The following PLCE1 variants were observed in gnomAD, a reference collection of about 807,000 sequenced individuals.
PLCE1 encodes phospholipase C epsilon 1.
A neutral mutation model predicts 242.8 loss-of-function variants in PLCE1; 119 were observed. The observed-to-expected ratio is 0.49, with a 90% CI of 0.42 to 0.57. The LOEUF is 0.57. PLCE1 is among the 20% of genes least tolerant of loss of function. The pLI, the probability that PLCE1 is intolerant of heterozygous loss-of-function variation, is 0.00. For missense variants in PLCE1, 2,441 were observed against 2,788.8 expected (o/e 0.88, Z 2.81); for synonymous variants, 945 against 1,017.4 (o/e 0.93, Z 1.35).
chr10:94,205,767 T>C (rs1375277309), intron 4 of PLCE1, among the ~76,000 whole-genome samples: 3 of 152,262 alleles, frequency 2.0e-5, no homozygotes, highest in African/African-American at 7.2e-5. Flanking sequence ...AGAGGCAGGC[T>C]GCCAAAAACC....
At chr10:94,168,632 T>C (rs1304909014) in intron 3 of PLCE1, among the ~76,000 whole-genome samples, 6 of 152,262 alleles carry the variant, frequency 3.9e-5, no homozygotes, top group Non-Finnish European at 8.8e-5. Flanking sequence ...TTATTCATTG[T>C]AACAGCATGT....
At chr10:94,056,588 G>A (rs2134882404) in intron 2 of PLCE1, among the ~76,000 whole-genome samples, 1 of 151,898 alleles carries the variant, frequency 6.6e-6, no homozygotes, top group Middle Eastern at 3.4e-3. Flanking sequence ...CAAAATTTGA[G>A]TCTTACCATA....
At chr10:94,184,460 G>A (rs773686061) in intron 4 of PLCE1, among the ~76,000 whole-genome samples, 9 of 152,274 alleles carry the variant, frequency 5.9e-5, no homozygotes, top group East Asian at 1.9e-4. Flanking sequence ...CTCTCTAGTC[G>A]CTGGGATTAC....
At chr10:94,188,749 G>A (rs2048563639) in intron 4 of PLCE1, among the ~76,000 whole-genome samples, 1 of 152,126 alleles carries the variant, frequency 6.6e-6, no homozygotes, top group Admixed American at 6.5e-5. Flanking sequence ...GGGTCTACAG[G>A]CATGTGCCAC....
At chr10:94,168,510 T>C (rs2047879138) in intron 3 of PLCE1, among the ~76,000 whole-genome samples, 1 of 152,176 alleles carries the variant, frequency 6.6e-6, no homozygotes, top group South Asian at 2.1e-4. Context: ...CTGAGATACA[T>C]GCTTATACTG....
chr10:94,023,738 G>T (rs1261285264), intron 1 of PLCE1, among the ~76,000 whole-genome samples: 1 of 152,060 alleles, frequency 6.6e-6, no homozygotes, highest in African/African-American at 2.4e-5. Flanking sequence ...AAAAATATTT[G>T]TGTAGCTTTC....
chr10:94,133,223 C>T (rs1381758415), intron 3 of PLCE1, among the ~76,000 whole-genome samples: 1 of 152,124 alleles, frequency 6.6e-6, no homozygotes, highest in Non-Finnish European at 1.5e-5. Flanking sequence ...AGCCAAAGGC[C>T]ATCTTCCAGC....
At chr10:94,325,168 A>G (rs1184126970) in intron 32 of PLCE1, 64 bp downstream of exon 32, 1 of 1,134,376 alleles carries the variant, frequency 8.8e-7, no homozygotes, top group East Asian at 2.3e-5. Context: ...TAAGGAAGGC[A>G]TAATTAGTAC....
At chr10:94,088,978 G>A (rs745794379) in intron 2 of PLCE1, 6 of 1,136,060 alleles carry the variant, frequency 5.3e-6, no homozygotes, top group South Asian at 3.9e-5. Context: ...GCCCTCCCTC[G>A]ATTCTGGGTA....
At chr10:94,058,072 A>G (rs1027168665) in intron 2 of PLCE1, among the ~76,000 whole-genome samples, 4 of 152,216 alleles carry the variant, frequency 2.6e-5, no homozygotes, top group Admixed American at 2.6e-4. Flanking sequence ...CTATGTGGCC[A>G]TCTTTTTACA....
intron 20 of PLCE1, 198 bp downstream of exon 20, chr10:94,280,109 A>G (rs1056663553): frequency 1.3e-5 from 8 of 612,752 alleles, no homozygotes; most frequent in African/African-American, 5.5e-5. Flanking sequence ...TACAGAAAGA[A>G]GAGGCAGGTG....
chr10:94,003,690 G>T (rs1251905103), intron 1 of PLCE1, among the ~76,000 whole-genome samples: 2 of 152,210 alleles, frequency 1.3e-5, no homozygotes, highest in African/African-American at 4.8e-5. Flanking sequence ...TTCAGATGTG[G>T]TAAGGAGCTA....
chr10:94,091,900 A>C (rs2045089108), intron 2 of PLCE1, among the ~76,000 whole-genome samples: 1 of 152,188 alleles, frequency 6.6e-6, no homozygotes, highest in Non-Finnish European at 1.5e-5. Context: ...GTGTTTATTC[A>C]CTTGTAGATT....
In PLCE1 at chr10:94,031,795, A is replaced by G. The variant is rs2061563948; in HGVS notation, c.749A>G (p.Gln250Arg). 2.5e-6 allele frequency: 4 copies of G among 1,613,706 alleles called. No homozygotes were observed. Among genetic ancestry groups the G allele is most frequent in the Non-Finnish European group, 3.4e-6 (4 of 1,179,898 alleles). Residue 250 changes from glutamine to arginine, a missense_variant, in exon 2 of 33, where the codon CAG becomes CGG. Around this residue, in one of 5 missense-constraint regions of PLCE1, gnomAD observed 393 missense variants for 378.5 expected, o/e 1.04. Coordinates refer to ENST00000371380, the MANE Select transcript of PLCE1 (RefSeq NM_016341.4). Reference protein sequence around the residue: ...LAKNCDNKNEQLQCDHCDTLN... With the variant: ...LAKNCDNKNERLQCDHCDTLN... Reference sequence around the variant, plus strand: ...AAAAATTGTGATAATAAGAATGAGCAGCTGCAGTGTGATCATTGTGACACC... The same window carrying G: ...AAAAATTGTGATAATAAGAATGAGCGGCTGCAGTGTGATCATTGTGACACC...
chr10:94,133,660 A>C (rs1331348791), intron 3 of PLCE1, among the ~76,000 whole-genome samples: 1 of 152,172 alleles, frequency 6.6e-6, no homozygotes, highest in African/African-American at 2.4e-5. Flanking sequence ...CTTGTGTACT[A>C]TGTTGGGTGC....
chr10:94,116,831 T>G (rs2046146887), intron 2 of PLCE1, among the ~76,000 whole-genome samples: 2 of 152,166 alleles, frequency 1.3e-5, no homozygotes, highest in African/African-American at 4.8e-5. Flanking sequence ...CTAAAAGAAG[T>G]GCATTTGCTT....
chr10:94,076,115 T>TTG (rs10571626), intron 2 of PLCE1, among the ~76,000 whole-genome samples: 1 of 150,722 alleles, frequency 6.6e-6, no homozygotes, highest in Non-Finnish European at 1.5e-5. Context: ...GTGTGTGTGT[T>TTG]TGTGTGTGTG....
intron 7 of PLCE1, among the ~76,000 whole-genome samples, chr10:94,239,068 T>C (rs184550765): frequency 6.6e-6 from 1 of 152,094 alleles, no homozygotes; most frequent in Non-Finnish European, 1.5e-5. Context: ...CTTGATAGGG[T>C]TTTTGTGAGG....
chr10:94,229,380 G>C (rs930690900), intron 5 of PLCE1, among the ~76,000 whole-genome samples: 3 of 152,286 alleles, frequency 2.0e-5, no homozygotes, highest in Middle Eastern at 3.4e-3. Flanking sequence ...ATCACAGCAC[G>C]GTGACTGGCT....
Sources: gnomAD v4.1 joint callset for allele counts (sites outside exome capture counted in the v4.1 genomes callset) on GRCh38, gnomAD v4.1.1 for gene constraint, gnomAD v4.1.1 regional missense constraint, MANE v1.5 for transcripts, NCBI Gene and HGNC (gene_info 2026-07-23, HGNC 2026-07-21) for gene names.